Variants in DAB1 observed in about 807,000 individuals in gnomAD.
The protein encoded by DAB1 is DAB adaptor protein 1.
Under a neutral mutation model 64.6 loss-of-function variants are expected in DAB1, and 15 were observed. The ratio of observed to expected loss-of-function variants is 0.23; its 90% CI spans 0.16 to 0.36. DAB1 has a LOEUF of 0.36. DAB1 is among the 10% of genes least tolerant of loss of function. The probability of loss-of-function intolerance (pLI) is 1.00; values close to 1 mark genes in which losing one functional copy is unlikely to be tolerated. For synonymous variants in DAB1, 235 were observed against 251.9 expected (o/e 0.93, Z 0.64); for missense variants, 596 against 706.7 (o/e 0.84, Z 1.78).
At chr1:57,413,685 A>ACTCGGGAG (rs1684280459) in intron 1 of DAB1, among the ~76,000 whole-genome samples, 1 of 146,066 alleles carries the variant, frequency 6.8e-6, no homozygotes, top group Non-Finnish European at 1.5e-5. Context: ...TAGAGCTTGC[A>ACTCGGGAG]GTGAGCTGAG....
chr1:57,914,308 G>A (rs1557552797), intron 5 of DAB1, among the ~76,000 whole-genome samples: 1 of 151,582 alleles, frequency 6.6e-6, no homozygotes, highest in Admixed American at 6.6e-5. Flanking sequence ...CATGGATGAA[G>A]CTGGAAACCA....
chr1:58,396,413 C>A (rs185991451), intron 3 of DAB1, among the ~76,000 whole-genome samples: 6 of 151,980 alleles, frequency 3.9e-5, no homozygotes, highest in South Asian at 2.1e-4. Context: ...TTAATGACAT[C>A]CAATCCTGCC....
intron 3 of DAB1, chr1:58,468,590 G>C (rs1331848637): frequency 6.6e-6 from 1 of 152,280 alleles, no homozygotes; most frequent in African/African-American, 2.4e-5. Context: ...AAGCTCTGGT[G>C]CATGACAAAG....
rs566429670 is a variant in DAB1 at position 57,014,989 on chromosome 1, G to A, written c.1338C>T (p.Tyr446=). The A allele has an allele frequency of 1.7e-5, 28 of 1,614,178 alleles. No homozygotes were observed. In the South Asian group the frequency reaches 3.0e-4, roughly 17 times the overall value. ...LTCTSEAFSS[Y]FNKVGVAQDT... The stretch of plus-strand genomic sequence containing the variant: ...CCTGTGCCACCCCGACTTTGTTGAA[G>A]TAACTGGAGAAGGCCTCTGAGGTAC... Residue 446 remains tyrosine (Y), a synonymous_variant, in exon 12 of 15, where the codon TAC becomes TAT. Transcript: ENST00000371236.
At chr1:57,102,626 A>G (rs1374564809) in intron 4 of DAB1, among the ~76,000 whole-genome samples, 1 of 152,174 alleles carries the variant, frequency 6.6e-6, no homozygotes, top group African/African-American at 2.4e-5. Context: ...AACTATTTTC[A>G]TCGAGAAGGC....
chr1:57,470,492 A>T (rs1032296726), intron 7 of DAB1, among the ~76,000 whole-genome samples: 1 of 152,216 alleles, frequency 6.6e-6, no homozygotes, highest in Non-Finnish European at 1.5e-5. Flanking sequence ...GATTATATTG[A>T]AAGTATCTCT....
At chr1:57,932,107 G>A (rs12032047) in intron 5 of DAB1, among the ~76,000 whole-genome samples, 4,634 of 152,032 alleles carry the variant, frequency 0.03, 97 homozygotes, top group East Asian at 0.082. Flanking sequence ...TTTGACTCGT[G>A]TTATTTAGAA....
intron 2 of DAB1, among the ~76,000 whole-genome samples, chr1:57,178,942 C>A (rs1342910506): frequency 1.3e-5 from 2 of 151,922 alleles, no homozygotes; most frequent in African/African-American, 4.8e-5. Flanking sequence ...ATGCAAAATA[C>A]CATATTTTAA....
At chr1:57,684,963 T>A (rs943594818) in intron 6 of DAB1, among the ~76,000 whole-genome samples, 1 of 151,188 alleles carries the variant, frequency 6.6e-6, no homozygotes, top group African/African-American at 2.4e-5. Context: ...CTTTTTTCTT[T>A]TTTTTTTTGA....
Position 57,053,436 on chromosome 1 carries a change from T to C in DAB1, c.723+9448A>G, listed in dbSNP as rs538209123. 1.3e-4 allele frequency among the ~76,000 whole-genome samples: 20 copies of C among 151,838 alleles called. No individual in the cohort carries two copies. The South Asian group carries it at 4.2e-3, about 32-fold the overall frequency. ...CTAATTGTTTTATTTTTTGTAGAGA[T>C]GGGGTATTGCTATGTTGCCCAGGTT... is the stretch of plus-strand genomic sequence containing the variant. On this transcript the variant is annotated intron_variant, in intron 9 of 14. Coordinates refer to ENST00000371236, the MANE Select transcript of DAB1 (RefSeq NM_001365792.1).
chr1:57,659,008 CT>C (rs1172782260), intron 6 of DAB1, among the ~76,000 whole-genome samples: 1 of 152,190 alleles, frequency 6.6e-6, no homozygotes, highest in Admixed American at 6.5e-5. Context: ...AGTCCCATCC[CT>C]TTAAGCAATA....
intron 7 of DAB1, among the ~76,000 whole-genome samples, chr1:57,582,552 T>C (rs1403188895): frequency 6.6e-6 from 1 of 152,152 alleles, no homozygotes; most frequent in Non-Finnish European, 1.5e-5. Flanking sequence ...CTTCAACATA[T>C]GAATTTAGGG....
At chr1:57,257,637 C>T (rs537565224) in intron 2 of DAB1, among the ~76,000 whole-genome samples, 14 of 152,272 alleles carry the variant, frequency 9.2e-5, no homozygotes, top group Admixed American at 5.2e-4. Flanking sequence ...AACTTGGTGG[C>T]CTAAAATATC....
chr1:58,388,862 A>G (rs1386102137), intron 3 of DAB1, among the ~76,000 whole-genome samples: 1 of 152,212 alleles, frequency 6.6e-6, no homozygotes, highest in Middle Eastern at 3.2e-3. Context: ...ATAGACCTGG[A>G]GAAGCTCAAG....
At chr1:57,789,193 C>T (rs1481088909) in intron 6 of DAB1, among the ~76,000 whole-genome samples, 1 of 152,114 alleles carries the variant, frequency 6.6e-6, no homozygotes, top group East Asian at 1.9e-4. Flanking sequence ...ACCCCCGCCC[C>T]TGCCGCCAAG....
chr1:57,534,824 C>T (rs1449446681), intron 7 of DAB1, among the ~76,000 whole-genome samples: 1 of 152,174 alleles, frequency 6.6e-6, no homozygotes, highest in Non-Finnish European at 1.5e-5. Flanking sequence ...AAAGGCCTCT[C>T]ATTGTATTTA....
At chr1:58,206,507 A>G (rs971818276) in intron 4 of DAB1, among the ~76,000 whole-genome samples, 1 of 152,072 alleles carries the variant, frequency 6.6e-6, no homozygotes, top group Non-Finnish European at 1.5e-5. Flanking sequence ...CCTGAGATTT[A>G]TTTTCCTTTC....
intron 2 of DAB1, among the ~76,000 whole-genome samples, chr1:57,274,884 A>T (rs1266639689): frequency 6.8e-6 from 1 of 146,854 alleles, no homozygotes; most frequent in African/African-American, 2.5e-5. Context: ...GCTCAGCCAA[A>T]TTTTTTTTTT....
chr1:57,356,160 T>G (rs1021019864), intron 1 of DAB1, among the ~76,000 whole-genome samples: 1 of 152,106 alleles, frequency 6.6e-6, no homozygotes, highest in African/African-American at 2.4e-5. Flanking sequence ...CAGTGAATGT[T>G]GTTGAGTGCT....
Sources: allele counts gnomAD v4.1 joint callset (sites outside exome capture counted in the v4.1 genomes callset), GRCh38; gene constraint gnomAD v4.1.1; transcripts MANE v1.5; gene names NCBI Gene and HGNC (gene_info 2026-07-23, HGNC 2026-07-21).